NUGGC: variants seen among roughly 807,000 people sequenced by gnomAD.
NUGGC encodes the protein nuclear GTPase SLIP-GC.
A neutral mutation model predicts 92.6 loss-of-function variants in NUGGC; 58 were observed. The ratio of observed to expected loss-of-function variants is 0.63; its 90% CI spans 0.51 to 0.78. The LOEUF is 0.78. NUGGC is among the 30% of genes least tolerant of loss of function. The pLI is 0.00. For missense variants in NUGGC, 925 were observed against 964.6 expected, an observed-to-expected ratio of 0.96 and a Z score of 0.54; for synonymous variants, 376 against 366.4, an observed-to-expected ratio of 1.03 and a Z score of -0.30.
chr8:28,024,172 C>G (rs925867071), intron 18 of NUGGC, among the ~76,000 whole-genome samples: 20 of 151,876 alleles, frequency 1.3e-4, no homozygotes, highest in African/African-American at 4.6e-4. Flanking sequence ...AGGCACCCAC[C>G]ACCTCGCCTA....
intron 12 of NUGGC, among the ~76,000 whole-genome samples, chr8:28,045,240 A>G (rs972560332): frequency 2.6e-5 from 4 of 152,228 alleles, no homozygotes; most frequent in Non-Finnish European, 5.9e-5. Context: ...GCCATCGCTT[A>G]AACACATTCC....
rs551703657 is a variant in NUGGC, at chr8:28,042,098, T to C, written c.1447-883A>G. ...TAAAACCTTATAAAACATGCCACCA[T>C]GTAAGACATGCCTTTTGCCCACAAT... On this transcript the variant is annotated intron_variant, in intron 12 of 18. Transcript: ENST00000413272. Among the ~76,000 whole-genome samples the C allele has an allele frequency of 3.3e-5, 5 of 152,296 alleles. No individual in the cohort carries two copies. The East Asian group carries it at 9.6e-4, about 29-fold the overall frequency.
At position 28,069,432 on chromosome 8, in the gene NUGGC, C is replaced by G. The variant is rs1316459610; in HGVS notation, c.257+112G>C. ...CATAGCTACAGAAATTTGTGTCCCT[C>G]TTTTCTTAGTTTCTAATTAAATAGT... On this transcript the variant is annotated intron_variant, in intron 4 of 18. Transcript: ENST00000413272. 2.9e-5 allele frequency: 18 copies of G among 624,764 alleles called. No homozygotes were observed. The East Asian group carries it at 4.8e-4, about 17-fold the overall frequency. 38.7% of individuals were successfully genotyped at this position (624,764 alleles called of 1,614,324 possible). A position where few individuals can be genotyped will look rare whatever the true frequency, so the allele number is the denominator to read the frequency against.
chr8:28,042,889 G>A (rs953357653), intron 12 of NUGGC, among the ~76,000 whole-genome samples: 3 of 152,136 alleles, frequency 2.0e-5, no homozygotes, highest in Admixed American at 6.5e-5. Flanking sequence ...GATTCTCAAC[G>A]GTATCATCTT....
intron 16 of NUGGC, among the ~76,000 whole-genome samples, 197 bp downstream of exon 16, chr8:28,030,113 A>G (rs1255044622): frequency 2.0e-5 from 3 of 152,224 alleles, no homozygotes; most frequent in Non-Finnish European, 4.4e-5. Context: ...CCAAGGGTAG[A>G]CAGAAAGAGC....
intron 5 of NUGGC, 63 bp downstream of exon 5, chr8:28,068,153 A>G: frequency 9.8e-7 from 1 of 1,021,432 alleles, no homozygotes; most frequent in Non-Finnish European, 1.5e-6. Context: ...GAGGGAACGA[A>G]AAAGGAAGAA....
At chr8:28,048,886 G>C (rs1268617608) in intron 10 of NUGGC, among the ~76,000 whole-genome samples, 4 of 143,778 alleles carry the variant, frequency 2.8e-5, no homozygotes, top group Admixed American at 2.8e-4. Flanking sequence ...AAAAAGTCAA[G>C]CAATTAAGAA....
chr8:28,030,857 C>CT (rs2130080031), intron 15 of NUGGC, among the ~76,000 whole-genome samples: 1 of 152,322 alleles, frequency 6.6e-6, no homozygotes, highest in African/African-American at 2.4e-5. Flanking sequence ...GGATTGACTT[C>CT]TTTAAGTTTC....
chr8:28,072,588 C>T (rs184630033), intron 2 of NUGGC, among the ~76,000 whole-genome samples: 7 of 152,200 alleles, frequency 4.6e-5, no homozygotes, highest in African/African-American at 9.6e-5. Flanking sequence ...GGACTGGCAA[C>T]GAATCTGATA....
rs1423843734 is a variant in NUGGC, at chr8:28,056,063, T to A, written c.1117-9A>T. On this transcript the variant is annotated splice_polypyrimidine_tract_variant and intron_variant, in intron 9 of 18. Coordinates refer to ENST00000413272, the MANE Select transcript of NUGGC (RefSeq NM_001010906.2). Reference sequence around the variant, plus strand: ...TGACTCTGAATAGCTTGCTAGGTTGTGAAAGGAAATAGAAGCATGCAGAGA... The same window carrying A: ...TGACTCTGAATAGCTTGCTAGGTTGAGAAAGGAAATAGAAGCATGCAGAGA... The A allele has an allele frequency of 1.3e-6, 2 of 1,503,618 alleles. No individual in the cohort carries two copies. The allele number at this position is 1,503,618 out of a possible 1,614,324, so 93.1% of individuals were successfully genotyped here. A position where few individuals can be genotyped will look rare whatever the true frequency, so the allele number is the denominator to read the frequency against.
At chr8:28,038,945 G>A (rs1206611912) in intron 13 of NUGGC, among the ~76,000 whole-genome samples, 3 of 152,142 alleles carry the variant, frequency 2.0e-5, no homozygotes, top group African/African-American at 7.2e-5. Context: ...GTAACGTGCA[G>A]TATCTGATTC....
At position 28,041,136 on chromosome 8, in the gene NUGGC, C is replaced by T; in HGVS notation, c.1526G>A (p.Cys509Tyr). The T allele has an allele frequency of 1.2e-6, 2 of 1,610,084 alleles. No individual in the cohort carries two copies. Among genetic ancestry groups the T allele is most frequent in the Non-Finnish European group, 1.7e-6 (2 of 1,178,438 alleles). ...VELLEKAIAQ[C>Y]FACMEQPLQE... Reference sequence around the variant, plus strand: ...CAGAGGCTGCTCCATGCAGGCGAAGCACTGTGCGATGGCCTTCTCCAGCAG... The same window carrying T: ...CAGAGGCTGCTCCATGCAGGCGAAGTACTGTGCGATGGCCTTCTCCAGCAG... Residue 509 changes from cysteine to tyrosine, a missense_variant, in exon 13 of 19, where the codon TGC (cysteine) becomes TAC (tyrosine). Cys to Tyr is a radical substitution (Grantham distance 194). Coordinates refer to ENST00000413272, the MANE Select transcript of NUGGC (RefSeq NM_001010906.2).
In NUGGC at chr8:28,023,393, C is replaced by T. The variant is rs763797956; in HGVS notation, c.2315G>A (p.Arg772Gln). 37 of 1,614,004 alleles carry T rather than the reference C, an allele frequency of 2.3e-5. 1 individual carries two copies. Among genetic ancestry groups the T allele is most frequent in the Middle Eastern group, 3.3e-4 (2 of 6,062 alleles). ...GAATTCTTGCATGCCCTTCCTCAGC[C>T]GTGCATTCTCCGCGACCTCCCTCAG... Reference protein sequence around the residue: ...RSLREVAENARLRKGMQEFLL... With the variant: ...RSLREVAENAQLRKGMQEFLL... Residue 772 changes from arginine (R) to glutamine (Q), a missense_variant, in exon 19 of 19, where the codon CGG becomes CAG. Arg to Gln is a conservative substitution (Grantham distance 43). Transcript: ENST00000413272.
In NUGGC at chr8:28,022,106, T is replaced by A. The variant is rs1370138657; in HGVS notation, c.*1211A>T. 3 of 151,140 alleles carry A rather than the reference T, an allele frequency of 2.0e-5. No homozygotes were observed. The highest frequency in any genetic ancestry group is 4.8e-5 in the African/African-American group (2 of 41,286). 9.4% of individuals were successfully genotyped at this position (151,140 alleles called of 1,614,324 possible). A position where few individuals can be genotyped will look rare whatever the true frequency, so the allele number is the denominator to read the frequency against. ...CAATGTTTTTTCTATAATGTTTAAG[T>A]TTTTTTATGTATGGGTGTGTGTGTG... On this transcript the variant is annotated 3_prime_UTR_variant, in exon 19 of 19. Coordinates refer to ENST00000413272, the MANE Select transcript of NUGGC (RefSeq NM_001010906.2).
intron 17 of NUGGC, among the ~76,000 whole-genome samples, chr8:28,028,977 A>G (rs1278564584): frequency 1.3e-5 from 2 of 152,142 alleles, no homozygotes; most frequent in Non-Finnish European, 2.9e-5. Flanking sequence ...TCTCTATAAA[A>G]TGGGAACAAT....
intron 2 of NUGGC, among the ~76,000 whole-genome samples, chr8:28,073,993 T>C (rs1468998928): frequency 2.6e-5 from 4 of 152,212 alleles, no homozygotes; most frequent in African/African-American, 9.6e-5. Flanking sequence ...GAGATGGGAT[T>C]TCACCATGTT....
chr8:28,028,274 T>C (rs995126241), intron 17 of NUGGC, among the ~76,000 whole-genome samples: 6 of 152,222 alleles, frequency 3.9e-5, no homozygotes, highest in African/African-American at 1.4e-4. Context: ...TTCTTGTCCA[T>C]GAATTTTTAG....
At chr8:28,059,597 T>A (rs13252433) in intron 8 of NUGGC, among the ~76,000 whole-genome samples, 66,857 of 151,982 alleles carry the variant, frequency 0.44, 16,241 homozygotes, top group African/African-American at 0.66. Flanking sequence ...TCTGTGCATC[T>A]AACCACCATG....
At chr8:28,049,240 C>A (rs534140231) in intron 10 of NUGGC, among the ~76,000 whole-genome samples, 1 of 152,058 alleles carries the variant, frequency 6.6e-6, no homozygotes, top group Admixed American at 6.6e-5. Context: ...AGAAGCCCAC[C>A]CCCACCAACC....
Sources: allele counts gnomAD v4.1 joint callset (sites outside exome capture counted in the v4.1 genomes callset), GRCh38; gene constraint gnomAD v4.1.1; transcripts MANE v1.5; gene names NCBI Gene and HGNC (gene_info 2026-07-23, HGNC 2026-07-21).